The following RASGRF1 variants were observed in gnomAD, a reference collection of about 807,000 sequenced individuals.
RASGRF1 encodes ras-specific guanine nucleotide-releasing factor 1.
A neutral mutation model predicts 138.7 loss-of-function variants in RASGRF1; 40 were observed. That is an observed-to-expected ratio of 0.29 (90% CI 0.22 to 0.38). RASGRF1 has a LOEUF of 0.38. Among genes scored for constraint, RASGRF1 ranks in the 10% least tolerant of loss-of-function variants. The pLI is 1.00. For synonymous variants in RASGRF1, 614 were observed against 663.2 expected (o/e 0.93, Z 1.14); for missense variants, 1,108 against 1,650.4 (o/e 0.67, Z 5.69).
chr15:78,995,400 C>T (rs1291928055), intron 20 of RASGRF1, among the ~76,000 whole-genome samples: 25 of 124,962 alleles, frequency 2.0e-4, no homozygotes, highest in Admixed American at 1.8e-3. Context: ...GTGATTCTCC[C>T]GCCTCAGTCT....
At chr15:78,962,454 A>T (rs2055565268) in intron 26 of RASGRF1, among the ~76,000 whole-genome samples, 1 of 152,262 alleles carries the variant, frequency 6.6e-6, no homozygotes, top group Admixed American at 6.5e-5. Flanking sequence ...TTGTCATAAT[A>T]TTAAGGCTGG....
chr15:79,090,290 C>T lies in RASGRF1; in HGVS notation c.209G>A (p.Gly70Asp), dbSNP rs748994402. 1.5e-5 allele frequency: 25 copies of T among 1,613,066 alleles called. No individual in the cohort carries two copies. The highest frequency in any genetic ancestry group is 2.1e-5 in the Non-Finnish European group (25 of 1,179,856). The change falls in exon 1 of 27, where the codon GGC becomes GAC. Residue 70 changes from glycine to aspartate, a missense_variant. By Grantham distance (94) the Gly-to-Asp change is moderately conservative. This residue lies in a region of RASGRF1 where 253 missense variants were observed against 329.5 expected (regional missense o/e 0.77). Transcript: ENST00000558480. ...GGAGGGCGCGCGGTCGCAGACGCAG[C>T]CCTCCAGCAGGTAAAGCCCCGAGGG... ...SRPSGLYLLEGCVCDRAPSPK... is the reference protein window; with the variant it reads ...SRPSGLYLLEDCVCDRAPSPK...
chr15:79,027,683 C>T lies in RASGRF1; in HGVS notation c.1381+58G>A. The T allele has an allele frequency of 3.2e-6, 5 of 1,542,500 alleles. No individual in the cohort carries two copies. Among genetic ancestry groups the T allele is most frequent in the Non-Finnish European group, 4.5e-6 (5 of 1,120,176 alleles). ...GGTGGCGTCCCCGAGTGCCGCCTCCCTCCCGCTGCTGGGGCCCACCTGGTG... is the reference window on the plus strand; with the variant it reads ...GGTGGCGTCCCCGAGTGCCGCCTCCTTCCCGCTGCTGGGGCCCACCTGGTG... On this transcript the variant is annotated intron_variant, in intron 9 of 26. Coordinates refer to ENST00000558480, the MANE Select transcript of RASGRF1 (RefSeq NM_001145648.3). The surrounding 1 kb of genome is among the most constrained non-coding windows in gnomAD (Gnocchi z 4.8).
intron 15 of RASGRF1, 148 bp from the exon 16 acceptor site, chr15:79,001,935 T>A: frequency 2.0e-6 from 1 of 499,708 alleles, no homozygotes; most frequent in Non-Finnish European, 3.0e-6. Context: ...AACAGCTTTG[T>A]TTCCCGCAGG....
At chr15:79,011,272 A>G (rs2141747565) in intron 13 of RASGRF1, among the ~76,000 whole-genome samples, 1 of 152,276 alleles carries the variant, frequency 6.6e-6, no homozygotes, top group South Asian at 2.1e-4. Flanking sequence ...GGATCGCTGT[A>G]TTATTTAAGA....
chr15:79,068,678 A>AGTGTGGATGT (rs1187575822), intron 1 of RASGRF1, among the ~76,000 whole-genome samples: 1 of 151,614 alleles, frequency 6.6e-6, no homozygotes, highest in East Asian at 1.9e-4. Flanking sequence ...TGTGAATGAG[A>AGTGTGGATGT]GTGTGGATGT....
At chr15:79,080,065 T>C (rs1013539381) in intron 1 of RASGRF1, among the ~76,000 whole-genome samples, 1 of 152,244 alleles carries the variant, frequency 6.6e-6, no homozygotes, top group African/African-American at 2.4e-5. Context: ...CCCCTGTATG[T>C]AAGCTTCTGG....
intron 1 of RASGRF1, among the ~76,000 whole-genome samples, chr15:79,084,931 T>G (rs926056371): frequency 6.6e-6 from 1 of 152,018 alleles, no homozygotes; most frequent in Non-Finnish European, 1.5e-5. Context: ...TGTCTCTTGG[T>G]GAAGTTTTTT....
intron 26 of RASGRF1, among the ~76,000 whole-genome samples, chr15:78,963,266 T>G: frequency 6.6e-6 from 1 of 152,198 alleles, no homozygotes; most frequent in Non-Finnish European, 1.5e-5. Context: ...AGGCACATTT[T>G]TCCCCGCTAC....
intron 23 of RASGRF1, among the ~76,000 whole-genome samples, chr15:78,983,728 C>T (rs142508641): frequency 6.6e-5 from 10 of 152,366 alleles, no homozygotes; most frequent in Admixed American, 3.9e-4. Flanking sequence ...CTTGCCTCCA[C>T]GAGTTCATGA....
At chr15:79,042,860 T>G (rs1337875041) in intron 5 of RASGRF1, among the ~76,000 whole-genome samples, 1 of 152,124 alleles carries the variant, frequency 6.6e-6, no homozygotes, top group African/African-American at 2.4e-5. Context: ...AAGTGCTGAG[T>G]GGGGGCTGTT....
At chr15:79,012,478 G>A (rs754659492) in intron 13 of RASGRF1, 11 of 1,544,814 alleles carry the variant, frequency 7.1e-6, no homozygotes, top group African/African-American at 1.4e-5. Flanking sequence ...TCCCGAGGAC[G>A]GAGACCCCAC....
At chr15:78,999,283 C>A (rs74027003) in intron 17 of RASGRF1, among the ~76,000 whole-genome samples, 1 of 152,198 alleles carries the variant, frequency 6.6e-6, no homozygotes, top group African/African-American at 2.4e-5. Flanking sequence ...AAGGAAGGGG[C>A]CTCCAGGCAG....
At chr15:79,004,814 C>T in intron 14 of RASGRF1, 1 of 985,492 alleles carries the variant, frequency 1.0e-6, no homozygotes, top group Non-Finnish European at 1.2e-6. Flanking sequence ...GCTGTCTGCT[C>T]CACGTTGCAC....
In RASGRF1 at chr15:79,032,377, G is replaced by A; in HGVS notation, c.959-61C>T. The A allele has an allele frequency of 6.6e-7, 1 of 1,520,960 alleles. No individual in the cohort carries two copies. Among genetic ancestry groups the A allele is most frequent in the Non-Finnish European group, 9.0e-7 (1 of 1,107,342 alleles). 94.2% of individuals were successfully genotyped at this position (1,520,960 alleles called of 1,614,324 possible). A position where few individuals can be genotyped will look rare whatever the true frequency, so the allele number is the denominator to read the frequency against. ...AGCTTGGTGGGGACAGAATCCCCTA[G>A]GCCCTTGGCTCCCCCAGCTACACCC... is the stretch of plus-strand genomic sequence containing the variant. On this transcript the variant is annotated intron_variant, in intron 6 of 26. Coordinates refer to ENST00000558480, the MANE Select transcript of RASGRF1 (RefSeq NM_001145648.3). The surrounding 1 kb of genome is among the most constrained non-coding windows in gnomAD (Gnocchi z 4.5).
At chr15:79,002,686 A>C (rs2056561498) in intron 15 of RASGRF1, among the ~76,000 whole-genome samples, 1 of 152,212 alleles carries the variant, frequency 6.6e-6, no homozygotes, top group Non-Finnish European at 1.5e-5. Context: ...GAAATTATGA[A>C]ATTTCTGGCA....
rs945883157 is a variant in RASGRF1 at position 78,962,339 on chromosome 15, A to G, written c.3682-103T>C. On this transcript the variant is annotated intron_variant, in intron 26 of 26. Coordinates refer to ENST00000558480, the MANE Select transcript of RASGRF1 (RefSeq NM_001145648.3). The stretch of plus-strand genomic sequence containing the variant: ...CTAGGGCCCAAGCCTCTTACTGTGG[A>G]GAGTCAGGTGGGCATATGAGGCAAA... 193 of 855,214 alleles carry G rather than the reference A, an allele frequency of 2.3e-4. 2 individuals carry two copies. Among genetic ancestry groups the G allele is most frequent in the African/African-American group, 1.8e-3 (107 of 59,242 alleles). 53.0% of individuals were successfully genotyped at this position (855,214 alleles called of 1,614,324 possible). A position where few individuals can be genotyped will look rare whatever the true frequency, so the allele number is the denominator to read the frequency against.
chr15:78,974,973 G>A (rs779615592), intron 24 of RASGRF1, among the ~76,000 whole-genome samples: 4 of 152,380 alleles, frequency 2.6e-5, no homozygotes, highest in South Asian at 2.1e-4. Flanking sequence ...TGGCAAAGTC[G>A]TGAAGGAGGC....
chr15:79,046,953 G>A lies in RASGRF1; in HGVS notation c.671C>T (p.Thr224Ile), dbSNP rs2057361792. Residue 224 changes from threonine to isoleucine, a missense_variant, in exon 5 of 27, where the codon ACC (threonine) becomes ATC (isoleucine). Physicochemically the swap from Thr to Ile is moderately conservative, Grantham distance 89. Around this residue, in one of 3 missense-constraint regions of RASGRF1, gnomAD observed 253 missense variants for 329.5 expected, o/e 0.77. Transcript: ENST00000558480. This position sits in a 1 kb window ranked among gnomAD's most constrained non-coding sequence, Gnocchi z 5.3. ...TGACCGGATGTAGTCCTGGATGATG[G>A]TCTTCCACTTCCGCCGGCACAGCCA... ...RGWLCRRKWK[T>I]IIQDYIRSPH... 2.5e-6 allele frequency: 4 copies of A among 1,613,734 alleles called. No homozygotes were observed. In the South Asian group the frequency reaches 4.4e-5, roughly 18 times the overall value.
Sources: gnomAD v4.1 joint callset for allele counts (sites outside exome capture counted in the v4.1 genomes callset) on GRCh38, gnomAD v4.1.1 for gene constraint, gnomAD v4.1.1 regional missense constraint, Gnocchi (gnomAD v3.1) non-coding constraint, MANE v1.5 for transcripts, NCBI Gene and HGNC (gene_info 2026-07-23, HGNC 2026-07-21) for gene names.